CSGALNACT1: variants seen among roughly 807,000 people sequenced by gnomAD.
CSGALNACT1 encodes the protein beta4GalNAcT-1.
Under a neutral mutation model 51.0 loss-of-function variants are expected in CSGALNACT1, and 52 were observed. That is an observed-to-expected ratio of 1.02 (90% CI 0.82 to 1.29). The LOEUF (loss-of-function observed/expected upper bound fraction) is 1.29. Among genes scored for constraint, CSGALNACT1 ranks in the 50% most tolerant of loss-of-function variants. The pLI is 0.00. For missense variants in CSGALNACT1, 935 were observed against 679.2 expected (o/e 1.38, Z -4.19); for synonymous variants, 341 against 254.4 (o/e 1.34, Z -3.24).
chr8:19,599,938 G>A (rs2050035586), intron 2 of CSGALNACT1, among the ~76,000 whole-genome samples: 1 of 152,214 alleles, frequency 6.6e-6, no homozygotes, highest in African/African-American at 2.4e-5. Flanking sequence ...ATCCCAGCAA[G>A]GGGAGTTAAT....
In CSGALNACT1 at chr8:19,571,478, A is replaced by AC. The variant is rs199784190; in HGVS notation, c.-297+19681_-297+19682insG. ...CACCAAAACAAAAACAAAAACAAAA[A>AC]AAAAAAACAGAACCAGGGAAAGAGT... On this transcript the variant is annotated intron_variant, in intron 3 of 9. Transcript: ENST00000454498. 1.4e-3 allele frequency among the ~76,000 whole-genome samples: 208 copies of AC among 152,090 alleles called. 2 individuals carry two copies. Among genetic ancestry groups the AC allele is most frequent in the African/African-American group, 4.8e-3 (201 of 41,450 alleles).
chr8:19,431,521 T>C (rs967307243), intron 6 of CSGALNACT1, among the ~76,000 whole-genome samples: 2 of 152,124 alleles, frequency 1.3e-5, no homozygotes, highest in African/African-American at 4.8e-5. Flanking sequence ...TCACACTTGG[T>C]AATTGCATAT....
At chr8:19,548,561 T>A (rs746378740) in intron 3 of CSGALNACT1, among the ~76,000 whole-genome samples, 20,937 of 152,302 alleles carry the variant, frequency 0.14, 37 homozygotes, top group Middle Eastern at 0.18. Flanking sequence ...TTTTCTCAAA[T>A]ATTATTTTTA....
At chr8:19,529,366 C>T (rs533021206) in intron 3 of CSGALNACT1, among the ~76,000 whole-genome samples, 1 of 152,144 alleles carries the variant, frequency 6.6e-6, no homozygotes, top group African/African-American at 2.4e-5. Context: ...CTGACCAGAC[C>T]TGTGGGCCTT....
Position 19,506,907 on chromosome 8 carries a change from C to G in CSGALNACT1, c.-296-777G>C, listed in dbSNP as rs2077440480. On this transcript the variant is annotated intron_variant, in intron 3 of 9. Transcript: ENST00000454498. ...CTTTTCTTTTTAAGTTACGCAGCTT[C>G]AGGTATTCCTTTAGAGCAGCAAGAA... Among the ~76,000 whole-genome samples the G allele has an allele frequency of 2.6e-5, 4 of 152,180 alleles. No individual in the cohort carries two copies. In the South Asian group the frequency reaches 8.3e-4, roughly 32 times the overall value.
chr8:19,554,763 C>T (rs1245294732), intron 3 of CSGALNACT1, among the ~76,000 whole-genome samples: 1 of 151,960 alleles, frequency 6.6e-6, no homozygotes, highest in Non-Finnish European at 1.5e-5. Context: ...ACTAAAAATA[C>T]AAAAATTAGC....
intron 1 of CSGALNACT1, among the ~76,000 whole-genome samples, chr8:19,746,452 C>A (rs1403930510): frequency 2.6e-5 from 4 of 152,138 alleles, no homozygotes; most frequent in African/African-American, 9.7e-5. Flanking sequence ...AAATAAGGAA[C>A]CTGGGTTCTA....
chr8:19,443,438 C>A (rs2061638439), intron 5 of CSGALNACT1, among the ~76,000 whole-genome samples: 1 of 152,120 alleles, frequency 6.6e-6, no homozygotes. Flanking sequence ...ATACCCAAGA[C>A]TGGGTCATTT....
At chr8:19,516,336 C>T (rs1413012649) in intron 3 of CSGALNACT1, among the ~76,000 whole-genome samples, 3 of 152,132 alleles carry the variant, frequency 2.0e-5, no homozygotes, top group Non-Finnish European at 4.4e-5. Context: ...AACCCAGCTC[C>T]GTCTGATTCT....
chr8:19,460,734 A>G (rs1224886262), intron 4 of CSGALNACT1, among the ~76,000 whole-genome samples: 2 of 151,620 alleles, frequency 1.3e-5, no homozygotes, highest in Non-Finnish European at 1.5e-5. Context: ...TCTCTCACAA[A>G]CCCCTCCTTT....
At chr8:19,533,437 T>C (rs1021960904) in intron 3 of CSGALNACT1, among the ~76,000 whole-genome samples, 5 of 150,544 alleles carry the variant, frequency 3.3e-5, no homozygotes, top group Non-Finnish European at 5.9e-5. Flanking sequence ...TTTATCCTAA[T>C]TTAATTTAAT....
intron 2 of CSGALNACT1, among the ~76,000 whole-genome samples, chr8:19,596,167 C>A (rs758421081): frequency 2.6e-5 from 4 of 152,136 alleles, no homozygotes; most frequent in Non-Finnish European, 4.4e-5. Flanking sequence ...CGTGCCCAGC[C>A]TCATTTTCAG....
chr8:19,565,240 A>G (rs977567124), intron 3 of CSGALNACT1, among the ~76,000 whole-genome samples: 14 of 152,194 alleles, frequency 9.2e-5, no homozygotes, highest in Non-Finnish European at 8.8e-5. Context: ...AAAAGTTCTA[A>G]AAGTCAAAAA....
intron 3 of CSGALNACT1, among the ~76,000 whole-genome samples, chr8:19,547,020 C>A (rs557252655): frequency 6.6e-6 from 1 of 152,222 alleles, no homozygotes; most frequent in Non-Finnish European, 1.5e-5. Flanking sequence ...TCCAGAAACA[C>A]CGTCTGAGAA....
At chr8:19,597,281 CTTTCTTTTTTTTTTTTTTTT>C (rs1393407643) in intron 2 of CSGALNACT1, among the ~76,000 whole-genome samples, 75 of 98,242 alleles carry the variant, frequency 7.6e-4, no homozygotes, top group African/African-American at 3.0e-3. Context: ...CCTCTATCTT[CTTTCTTTTTTTTTTTTTTTT>C]TTTTTTTTTT....
chr8:19,619,603 A>T (rs2053557394), intron 1 of CSGALNACT1, among the ~76,000 whole-genome samples: 1 of 152,186 alleles, frequency 6.6e-6, no homozygotes, highest in Admixed American at 6.5e-5. Context: ...CATTCTAGGC[A>T]TAGAGTCAGG....
chr8:19,725,465 C>T (rs2063348632), intron 1 of CSGALNACT1, among the ~76,000 whole-genome samples: 2 of 139,974 alleles, frequency 1.4e-5, no homozygotes, highest in Admixed American at 1.5e-4. Context: ...ACTCTTTTTG[C>T]CCAGTCTGGA....
At chr8:19,575,587 A>G (rs2044011097) in intron 3 of CSGALNACT1, among the ~76,000 whole-genome samples, 1 of 152,254 alleles carries the variant, frequency 6.6e-6, no homozygotes, top group Admixed American at 6.5e-5. Context: ...ACAAAACAAA[A>G]CAAAACCTTT....
intron 1 of CSGALNACT1, among the ~76,000 whole-genome samples, chr8:19,728,070 C>T (rs1354188307): frequency 6.6e-6 from 1 of 152,092 alleles, no homozygotes; most frequent in African/African-American, 2.4e-5. Context: ...CACTCAGGGA[C>T]CAGGCTGCCA....
Sources: gnomAD v4.1 joint callset for allele counts (sites outside exome capture counted in the v4.1 genomes callset) on GRCh38, gnomAD v4.1.1 for gene constraint, MANE v1.5 for transcripts, NCBI Gene and HGNC (gene_info 2026-07-23, HGNC 2026-07-21) for gene names.